The following EXT1 variants were observed in gnomAD, a reference collection of about 807,000 sequenced individuals.
EXT1 encodes exostosin-1.
A neutral mutation model predicts 82.5 loss-of-function variants in EXT1; 20 were observed. The ratio of observed to expected loss-of-function variants is 0.24; its 90% CI spans 0.17 to 0.35. EXT1 has a LOEUF of 0.35. Among genes scored for constraint, EXT1 ranks in the 10% least tolerant of loss-of-function variants. The probability of loss-of-function intolerance (pLI) is 1.00; values close to 1 mark genes in which losing one functional copy is unlikely to be tolerated. For missense variants in EXT1, 757 were observed against 936.5 expected (o/e 0.81, Z 2.50); for synonymous variants, 348 against 350.8 (o/e 0.99, Z 0.09).
chr8:117,948,951 C>A (rs1431155409), intron 1 of EXT1, among the ~76,000 whole-genome samples: 1 of 152,190 alleles, frequency 6.6e-6, no homozygotes. Context: ...TTAAAACACC[C>A]ATGCACATTT....
intron 4 of EXT1, among the ~76,000 whole-genome samples, chr8:117,827,580 C>T (rs975787393): frequency 2.4e-4 from 36 of 151,668 alleles, no homozygotes; most frequent in African/African-American, 7.3e-4. Flanking sequence ...TTTGGGAGGC[C>T]GAGGCAGGCA....
intron 1 of EXT1, among the ~76,000 whole-genome samples, chr8:117,884,600 G>A (rs1056991740): frequency 2.6e-5 from 4 of 152,190 alleles, no homozygotes; most frequent in African/African-American, 9.7e-5. Flanking sequence ...GTGTGCAACA[G>A]TCTCTATACT....
At chr8:117,990,464 C>G (rs1004605513) in intron 1 of EXT1, among the ~76,000 whole-genome samples, 2 of 152,180 alleles carry the variant, frequency 1.3e-5, no homozygotes, top group Non-Finnish European at 2.9e-5. Context: ...ATTCCAGCAT[C>G]CTAGAAGATG....
At chr8:118,030,946 T>C (rs1816304291) in intron 1 of EXT1, among the ~76,000 whole-genome samples, 1 of 152,190 alleles carries the variant, frequency 6.6e-6, no homozygotes, top group Non-Finnish European at 1.5e-5. Context: ...AAGGTCCTTT[T>C]AAGGTGATCA....
rs563676452 is a variant in EXT1, at chr8:118,011,109, C to A, written c.962+98976G>T. ...ATTTGTCAGCATAGCATAGCAGCCA[C>A]TTCACCATGAGAAAGTGTTATATGC... On this transcript the variant is annotated intron_variant, in intron 1 of 10. Transcript: ENST00000378204. Among the ~76,000 whole-genome samples, 31 of 152,342 alleles carry A rather than the reference C, an allele frequency of 2.0e-4. No homozygotes were observed. The South Asian group carries it at 5.4e-3, about 26-fold the overall frequency.
Position 117,830,276 on chromosome 8 carries a change from TC to T in EXT1, c.1237del (p.Glu413ArgfsTer12). On this transcript the variant is annotated frameshift_variant, in exon 4 of 11. Coordinates refer to ENST00000378204, the MANE Select transcript of EXT1 (RefSeq NM_000127.3). LOFTEE classifies it high-confidence loss of function. ...ALRQQTQFLW[E>X]AYFSSVEKIV... ...CTTCTCAACTGAAGAAAAATAAGCC[TC>T]CCACAAGAATTGTGTCTGCTGTCTA... The T allele has an allele frequency of 6.2e-7, 1 of 1,614,044 alleles. No individual in the cohort carries two copies. The highest frequency in any genetic ancestry group is 8.5e-7 in the Non-Finnish European group (1 of 1,179,968).
chr8:118,106,269 C>A (rs1817801339), intron 1 of EXT1, among the ~76,000 whole-genome samples: 1 of 152,208 alleles, frequency 6.6e-6, no homozygotes. Flanking sequence ...TAATAAGGAT[C>A]TCCTTGTGGC....
intron 1 of EXT1, among the ~76,000 whole-genome samples, chr8:118,007,121 C>A (rs982170765): frequency 6.6e-6 from 1 of 152,102 alleles, no homozygotes; most frequent in Non-Finnish European, 1.5e-5. Flanking sequence ...CACGGTGAAA[C>A]CCCGTTTCTA....
rs1816004204 is a variant in EXT1, at chr8:118,016,375, T to G, written c.962+93710A>C. On this transcript the variant is annotated intron_variant, in intron 1 of 10. Transcript: ENST00000378204. ...GCCACCGTACTCCAGCCTGGGTGAC[T>G]GAGAGAGACTCTGTCTCAAAAATAA... Among the ~76,000 whole-genome samples, 5 of 152,152 alleles carry G rather than the reference T, an allele frequency of 3.3e-5. No homozygotes were observed. The South Asian group carries it at 1.0e-3, about 32-fold the overall frequency.
chr8:118,039,930 T>C (rs1230251944), intron 1 of EXT1, among the ~76,000 whole-genome samples: 1 of 152,178 alleles, frequency 6.6e-6, no homozygotes, highest in South Asian at 2.1e-4. Flanking sequence ...TGACTTTGAA[T>C]TTTCATTCTG....
intron 1 of EXT1, among the ~76,000 whole-genome samples, chr8:117,999,495 T>C (rs547330360): frequency 1.3e-5 from 2 of 152,358 alleles, no homozygotes; most frequent in South Asian, 2.1e-4. Flanking sequence ...TATTCTTTTG[T>C]ACTCCTAGTA....
intron 3 of EXT1, 75 bp from the exon 4 acceptor site, chr8:117,830,424 G>A: frequency 6.5e-7 from 1 of 1,550,014 alleles, no homozygotes; most frequent in Non-Finnish European, 8.8e-7. Context: ...TAACCCAACT[G>A]GGTTAGGCTT....
At chr8:118,076,895 A>G (rs1036475231) in intron 1 of EXT1, among the ~76,000 whole-genome samples, 2 of 149,536 alleles carry the variant, frequency 1.3e-5, no homozygotes, top group African/African-American at 4.9e-5. Flanking sequence ...GTAATAATAA[A>G]ATATTTCTTT....
intron 1 of EXT1, among the ~76,000 whole-genome samples, chr8:118,096,982 G>C (rs1817630581): frequency 6.6e-6 from 1 of 152,188 alleles, no homozygotes; most frequent in African/African-American, 2.4e-5. Flanking sequence ...AGTGCTTCCT[G>C]TGAGTCAGTC....
chr8:117,991,303 A>G (rs1815428009), intron 1 of EXT1, among the ~76,000 whole-genome samples: 1 of 152,126 alleles, frequency 6.6e-6, no homozygotes, highest in East Asian at 1.9e-4. Flanking sequence ...AATGCCATAT[A>G]AAGTGCATGA....
chr8:117,830,000 T>C (rs1372533211), intron 4 of EXT1, among the ~76,000 whole-genome samples: 2 of 152,208 alleles, frequency 1.3e-5, no homozygotes, highest in Non-Finnish European at 2.9e-5. Flanking sequence ...TCTGTGTCAA[T>C]AAGTATAATT....
intron 1 of EXT1, among the ~76,000 whole-genome samples, chr8:118,063,713 T>TC (rs1399944980): frequency 6.6e-6 from 1 of 152,246 alleles, no homozygotes; most frequent in African/African-American, 2.4e-5. Flanking sequence ...AACTAGACTC[T>TC]CCTGTGAGAT....
intron 1 of EXT1, among the ~76,000 whole-genome samples, chr8:118,035,768 G>A (rs1031169177): frequency 7.2e-5 from 11 of 152,162 alleles, no homozygotes; most frequent in Admixed American, 2.6e-4. Flanking sequence ...AATCTAAACT[G>A]AACATTTTTC....
chr8:117,872,530 G>T (rs1050705148), intron 1 of EXT1, among the ~76,000 whole-genome samples: 2 of 152,156 alleles, frequency 1.3e-5, no homozygotes, highest in Non-Finnish European at 2.9e-5. Context: ...AAAATGAAGA[G>T]TATCTCAATG....
Sources: allele counts gnomAD v4.1 joint callset (sites outside exome capture counted in the v4.1 genomes callset), GRCh38; gene constraint gnomAD v4.1.1; transcripts MANE v1.5; gene names NCBI Gene and HGNC (gene_info 2026-07-23, HGNC 2026-07-21).